PDE11A: variants seen among roughly 807,000 people sequenced by gnomAD.
PDE11A encodes dual 3',5'-cyclic-AMP and -GMP phosphodiesterase 11A.
In PDE11A, 100 loss-of-function variants were observed where a neutral mutation model predicts 100.5. The ratio of observed to expected loss-of-function variants is 1.00; its 90% CI spans 0.85 to 1.18. The LOEUF (loss-of-function observed/expected upper bound fraction) is 1.18, where lower values mean the gene tolerates loss of function less well. Among genes scored for constraint, PDE11A ranks in the 50% most tolerant of loss-of-function variants. The pLI is 0.00. For missense variants in PDE11A, 1,141 were observed against 1,152.6 expected (o/e 0.99, Z 0.15); for synonymous variants, 381 against 420.8 (o/e 0.91, Z 1.16).
At chr2:178,103,860 C>T (rs772971062) in intron 2 of PDE11A, among the ~76,000 whole-genome samples, 13 of 152,048 alleles carry the variant, frequency 8.5e-5, no homozygotes, top group Non-Finnish European at 1.5e-4. Context: ...CCAACCACTT[C>T]GATCTTAACC....
chr2:178,084,218 A>C (rs777048479), intron 2 of PDE11A, among the ~76,000 whole-genome samples: 8 of 152,236 alleles, frequency 5.3e-5, no homozygotes, highest in Non-Finnish European at 7.3e-5. Context: ...AGGTAAAAAG[A>C]CCATGTTTAT....
chr2:178,019,975 A>C (rs1278012122), intron 1 of PDE11A, among the ~76,000 whole-genome samples: 1 of 152,206 alleles, frequency 6.6e-6, no homozygotes, highest in African/African-American at 2.4e-5. Context: ...CTGCATCTGA[A>C]AATTAACTTG....
chr2:178,072,637 C>T lies in PDE11A; in HGVS notation c.-200G>A. On this transcript the variant is annotated 5_prime_UTR_variant, in exon 1 of 20. Coordinates refer to ENST00000286063, the MANE Select transcript of PDE11A (RefSeq NM_016953.4). ...TCAGAGTGGCTGGCGCCGACCCCAC[C>T]CCGTGGTCCTGCTACTCCTGCTCCG... is the stretch of plus-strand genomic sequence containing the variant. 1.4e-6 allele frequency: 2 copies of T among 1,478,592 alleles called. No homozygotes were observed. The highest frequency in any genetic ancestry group is 1.8e-6 in the Non-Finnish European group (2 of 1,118,082). The allele number at this position is 1,478,592 out of a possible 1,614,324, so 91.6% of individuals were successfully genotyped here. A position where few individuals can be genotyped will look rare whatever the true frequency, so the allele number is the denominator to read the frequency against.
In PDE11A at chr2:177,835,388, A is replaced by AG. The variant is rs557352250; in HGVS notation, c.1500+4862dup. Among the ~76,000 whole-genome samples the AG allele has an allele frequency of 1.0e-3, 152 of 152,210 alleles. 1 individual carries two copies. Among genetic ancestry groups the AG allele is most frequent in the African/African-American group, 3.4e-3 (143 of 41,518 alleles). ...TTCCTCCTCTGTCCTCTCTTCACAG[A>AG]GGGGTAATTGTGTCCCCCTACTACA... On this transcript the variant is annotated intron_variant, in intron 6 of 19. Transcript: ENST00000286063.
chr2:178,018,754 C>G (rs898552548), intron 1 of PDE11A, among the ~76,000 whole-genome samples: 1 of 152,114 alleles, frequency 6.6e-6, no homozygotes, highest in East Asian at 1.9e-4. Flanking sequence ...CACTACATTG[C>G]CCAGTCTGGT....
At chr2:177,686,697 A>ATTTTTTTTTTTTTTT (rs202225715) in intron 15 of PDE11A, 1 of 124,058 alleles carries the variant, frequency 8.1e-6, no homozygotes, top group African/African-American at 3.2e-5. Flanking sequence ...GTACATGTAA[A>ATTTTTTTTTTTTTTT]TTTTTTTTTT....
intron 5 of PDE11A, among the ~76,000 whole-genome samples, chr2:177,872,337 T>C (rs2084150712): frequency 6.6e-6 from 1 of 152,218 alleles, no homozygotes; most frequent in African/African-American, 2.4e-5. Flanking sequence ...GTGAGAATCC[T>C]GTCACTAGAG....
In PDE11A at chr2:177,626,974, T is replaced by G. The variant is rs1259020238; in HGVS notation, c.*2433A>C. ...TTTCCTTTACTGGTGTTCTTACGTT[T>G]CTTTTTCTTCTTGCTTTTATTCCCC... On this transcript the variant is annotated 3_prime_UTR_variant, in exon 20 of 20. Transcript: ENST00000286063. 1 of 150,876 alleles carries G rather than the reference T, an allele frequency of 6.6e-6. No individual in the cohort carries two copies. The highest frequency in any genetic ancestry group is 1.5e-5 in the Non-Finnish European group (1 of 67,770). 9.3% of individuals were successfully genotyped at this position (150,876 alleles called of 1,614,324 possible). A position where few individuals can be genotyped will look rare whatever the true frequency, so the allele number is the denominator to read the frequency against.
intron 5 of PDE11A, among the ~76,000 whole-genome samples, chr2:177,842,365 G>A (rs2083505586): frequency 6.6e-6 from 1 of 152,212 alleles, no homozygotes; most frequent in African/African-American, 2.4e-5. Flanking sequence ...TCAACAAGGA[G>A]AGATTGGAGG....
chr2:178,036,231 T>C (rs2086612262), intron 1 of PDE11A, among the ~76,000 whole-genome samples: 1 of 151,970 alleles, frequency 6.6e-6, no homozygotes, highest in Non-Finnish European at 1.5e-5. Context: ...ATATCAACAA[T>C]AGATGAGCAG....
In PDE11A at chr2:177,737,420, T is replaced by TACACACACACACACACACACACAC. The variant is rs567621311; in HGVS notation, c.1789-9249_1789-9248insGTGTGTGTGTGTGTGTGTGTGTGT. The stretch of plus-strand genomic sequence containing the variant: ...AGTGAAACCCCGTCTCTACTAAAAA[T>TACACACACACACACACACACACAC]ACACACACACATACACACACACACA... On this transcript the variant is annotated intron_variant, in intron 10 of 19. Coordinates refer to ENST00000286063, the MANE Select transcript of PDE11A (RefSeq NM_016953.4). 2.0e-3 allele frequency among the ~76,000 whole-genome samples: 221 copies of TACACACACACACACACACACACAC among 110,450 alleles called. 35 individuals carry two copies. Among genetic ancestry groups the TACACACACACACACACACACACAC allele is most frequent in the Non-Finnish European group, 3.1e-3 (153 of 49,346 alleles). The allele number at this position is 110,450 out of a possible 152,430, so 72.5% of individuals were successfully genotyped here. A position where few individuals can be genotyped will look rare whatever the true frequency, so the allele number is the denominator to read the frequency against.
intron 2 of PDE11A, among the ~76,000 whole-genome samples, chr2:178,010,389 A>T (rs2086261655): frequency 6.6e-6 from 1 of 152,238 alleles, no homozygotes; most frequent in South Asian, 2.1e-4. Context: ...AAGGAAAACT[A>T]ATTTGAGTTT....
intron 2 of PDE11A, among the ~76,000 whole-genome samples, chr2:177,952,841 C>T (rs1448363837): frequency 6.6e-6 from 1 of 152,118 alleles, no homozygotes. Context: ...TTTTCTATTT[C>T]CCCTCTCATA....
intron 4 of PDE11A, among the ~76,000 whole-genome samples, chr2:177,881,568 G>A (rs1024203573): frequency 1.6e-4 from 25 of 152,226 alleles, no homozygotes; most frequent in African/African-American, 5.5e-4. Context: ...GCATTAGTCC[G>A]TGATGAGGCA....
chr2:177,670,891 T>A (rs2080669000), intron 17 of PDE11A, among the ~76,000 whole-genome samples: 2 of 152,032 alleles, frequency 1.3e-5, no homozygotes, highest in Admixed American at 1.3e-4. Flanking sequence ...CACAAAAAAC[T>A]AGTTGGAACT....
chr2:177,765,425 CAG>C (rs1325776007), intron 10 of PDE11A, among the ~76,000 whole-genome samples: 7 of 152,196 alleles, frequency 4.6e-5, no homozygotes, highest in African/African-American at 1.4e-4. Context: ...TCCAATAGTA[CAG>C]AGTCTCCATC....
In PDE11A at chr2:177,917,341, C is replaced by T. The variant is rs544257605; in HGVS notation, c.1072-12154G>A. Reference sequence around the variant, plus strand: ...ATTTCCCCTGCTCCAGCACTGCCATCACTCACCATCTCTGGTAATAGTTCC... The same window carrying T: ...ATTTCCCCTGCTCCAGCACTGCCATTACTCACCATCTCTGGTAATAGTTCC... On this transcript the variant is annotated intron_variant, in intron 2 of 19. Transcript: ENST00000286063. Among the ~76,000 whole-genome samples the T allele has an allele frequency of 2.2e-4, 33 of 152,302 alleles. 1 individual carries two copies. In the South Asian group the frequency reaches 6.9e-3, roughly 32 times the overall value.
At chr2:178,091,055 G>A (rs536063671) in intron 2 of PDE11A, among the ~76,000 whole-genome samples, 52 of 152,206 alleles carry the variant, frequency 3.4e-4, no homozygotes, top group African/African-American at 1.2e-3. Context: ...GAAGGTATAT[G>A]CTAATATCTT....
intron 5 of PDE11A, among the ~76,000 whole-genome samples, chr2:177,841,080 T>C (rs1463582016): frequency 2.0e-5 from 3 of 152,224 alleles, no homozygotes; most frequent in African/African-American, 4.8e-5. Flanking sequence ...CATATTTAAT[T>C]TGAACAAGGA....
Sources: gnomAD v4.1 joint callset for allele counts (sites outside exome capture counted in the v4.1 genomes callset) on GRCh38, gnomAD v4.1.1 for gene constraint, MANE v1.5 for transcripts, NCBI Gene and HGNC (gene_info 2026-07-23, HGNC 2026-07-21) for gene names.